Variants in RBFOX1 observed in about 807,000 individuals in gnomAD.
The protein encoded by RBFOX1 is RNA binding fox-1 homolog 1.
A neutral mutation model predicts 57.7 loss-of-function variants in RBFOX1; 8 were observed. That is an observed-to-expected ratio of 0.14 (90% CI 0.08 to 0.25). RBFOX1 has a LOEUF of 0.25. RBFOX1 is among the 10% of genes least tolerant of loss of function. RBFOX1 has a pLI of 1.00. For synonymous variants in RBFOX1, 326 were observed against 222.4 expected (o/e 1.47, Z -4.15); for missense variants, 611 against 548.5 (o/e 1.11, Z -1.14).
intron 3 of RBFOX1, among the ~76,000 whole-genome samples, chr16:5,766,711 C>G (rs1302390542): frequency 1.3e-5 from 2 of 152,174 alleles, no homozygotes; most frequent in Admixed American, 6.5e-5. Context: ...GGCCCCACCT[C>G]CAATGTTGGG....
intron 4 of RBFOX1, chr16:7,126,643 G>C (rs2068627183): frequency 6.4e-6 from 1 of 155,510 alleles, no homozygotes; most frequent in Non-Finnish European, 1.4e-5. Flanking sequence ...TAGTCATCTT[G>C]GAGGCAAGGA....
intron 1 of RBFOX1, among the ~76,000 whole-genome samples, chr16:5,417,564 G>T (rs1455649111): frequency 1.3e-5 from 2 of 152,168 alleles, no homozygotes; most frequent in African/African-American, 4.8e-5. Flanking sequence ...CCTGGCTTAA[G>T]AGAAGGAAAA....
chr16:7,633,808 A>G (rs909705983), intron 11 of RBFOX1, among the ~76,000 whole-genome samples: 4 of 152,262 alleles, frequency 2.6e-5, no homozygotes, highest in Middle Eastern at 3.4e-3. Context: ...CAAATCCCTA[A>G]GACACATTGC....
intron 4 of RBFOX1, among the ~76,000 whole-genome samples, chr16:7,321,960 T>G (rs970340280): frequency 1.3e-5 from 2 of 152,224 alleles, no homozygotes; most frequent in African/African-American, 4.8e-5. Context: ...GCTGCACAGC[T>G]TGGCACAGCT....
At chr16:7,025,203 G>C (rs190053514) in intron 3 of RBFOX1, among the ~76,000 whole-genome samples, 352 of 152,274 alleles carry the variant, frequency 2.3e-3, no homozygotes, top group Non-Finnish European at 3.5e-3. Flanking sequence ...TGCTAAACAA[G>C]GGGTGAATTA....
chr16:6,837,360 G>C (rs114959067), intron 3 of RBFOX1, among the ~76,000 whole-genome samples: 1,597 of 152,316 alleles, frequency 0.01, 28 homozygotes, highest in African/African-American at 0.036. Context: ...AGTGGAGTCA[G>C]AGTTCTTGGG....
chr16:5,402,983 A>T (rs954965907), intron 1 of RBFOX1, among the ~76,000 whole-genome samples: 1 of 152,248 alleles, frequency 6.6e-6, no homozygotes, highest in African/African-American at 2.4e-5. Flanking sequence ...GACTGATTTT[A>T]TACTGTGTCC....
chr16:6,658,609 C>G (rs1404835852), intron 3 of RBFOX1, among the ~76,000 whole-genome samples: 3 of 152,128 alleles, frequency 2.0e-5, no homozygotes, highest in South Asian at 2.1e-4. Context: ...AATTTTTATC[C>G]TCTCCTGTTT....
chr16:5,774,515 G>T (rs967382208), intron 3 of RBFOX1, among the ~76,000 whole-genome samples: 1 of 152,160 alleles, frequency 6.6e-6, no homozygotes, highest in Non-Finnish European at 1.5e-5. Flanking sequence ...ACAAGGAGAG[G>T]TTATGCAGCT....
chr16:6,053,986 G>T (rs1242584856), intron 1 of RBFOX1, among the ~76,000 whole-genome samples: 1 of 152,146 alleles, frequency 6.6e-6, no homozygotes, highest in Non-Finnish European at 1.5e-5. Flanking sequence ...AGCCCAGGAG[G>T]TTGAGGTTAC....
intron 4 of RBFOX1, among the ~76,000 whole-genome samples, chr16:7,301,518 G>T (rs1221254469): frequency 2.6e-5 from 4 of 152,196 alleles, no homozygotes; most frequent in Admixed American, 6.5e-5. Context: ...CTACTGAGGG[G>T]TTCCAACTTT....
chr16:7,125,026 G>A (rs1026653830), intron 4 of RBFOX1, among the ~76,000 whole-genome samples: 1 of 152,154 alleles, frequency 6.6e-6, no homozygotes, highest in Non-Finnish European at 1.5e-5. Context: ...GAAGGAGGGG[G>A]CCGGCTTATT....
At position 7,540,400 on chromosome 16, in the gene RBFOX1, A is replaced by G. The variant is rs559634826; in HGVS notation, c.270+22011A>G. On this transcript the variant is annotated intron_variant, in intron 5 of 15. Transcript: ENST00000550418. ...CCTGACTTCACATCCAGGCTCCCTC[A>G]GGTGTTACCCATGCAAGACTTGGCA... 5.3e-5 allele frequency among the ~76,000 whole-genome samples: 8 copies of G among 152,320 alleles called. No homozygotes were observed. In the South Asian group the frequency reaches 1.7e-3, roughly 32 times the overall value.
intron 2 of RBFOX1, among the ~76,000 whole-genome samples, chr16:6,583,990 A>G (rs144646333): frequency 7.1e-6 from 1 of 140,528 alleles, no homozygotes; most frequent in African/African-American, 2.5e-5. Flanking sequence ...AATAACAACG[A>G]CAACAACATT....
intron 4 of RBFOX1, among the ~76,000 whole-genome samples, chr16:7,107,736 G>T (rs1020905553): frequency 3.3e-5 from 5 of 152,004 alleles, no homozygotes; most frequent in Non-Finnish European, 7.4e-5. Context: ...AGAGGAGGTG[G>T]AGTTACTTTT....
intron 3 of RBFOX1, among the ~76,000 whole-genome samples, chr16:6,886,711 C>T (rs930667425): frequency 3.3e-5 from 5 of 150,374 alleles, no homozygotes; most frequent in African/African-American, 9.8e-5. Flanking sequence ...ACTGAGATCG[C>T]ACCACCGCAC....
chr16:7,284,165 T>C (rs1161408358), intron 4 of RBFOX1, among the ~76,000 whole-genome samples: 3 of 152,238 alleles, frequency 2.0e-5, no homozygotes, highest in Admixed American at 1.3e-4. Context: ...TGCACTATAG[T>C]TTATTCACTA....
At chr16:6,530,342 T>G (rs1244497249) in intron 2 of RBFOX1, among the ~76,000 whole-genome samples, 1 of 152,180 alleles carries the variant, frequency 6.6e-6, no homozygotes, top group Non-Finnish European at 1.5e-5. Context: ...ACTCACATAG[T>G]TCCAGCAGAA....
chr16:6,717,621 A>G (rs1343989220), intron 3 of RBFOX1, among the ~76,000 whole-genome samples: 3 of 150,680 alleles, frequency 2.0e-5, no homozygotes, highest in African/African-American at 4.9e-5. Flanking sequence ...GTGATTTTTT[A>G]CATGTCACAT....
Sources: allele counts gnomAD v4.1 joint callset (sites outside exome capture counted in the v4.1 genomes callset), GRCh38; gene constraint gnomAD v4.1.1; transcripts MANE v1.5; gene names NCBI Gene and HGNC (gene_info 2026-07-23, HGNC 2026-07-21).